CADPS2: variants seen among roughly 807,000 people sequenced by gnomAD.
CADPS2 encodes calcium dependent secretion activator 2, also known as calcium-dependent secretion activator 2.
In CADPS2, 93 loss-of-function variants were observed where a neutral mutation model predicts 172.5. The ratio of observed to expected loss-of-function variants is 0.54; its 90% CI spans 0.46 to 0.64. The LOEUF is 0.64. CADPS2 is among the 30% of genes least tolerant of loss of function. The pLI, the probability that CADPS2 is intolerant of heterozygous loss-of-function variation, is 0.00. For missense variants in CADPS2, 1,420 were observed against 1,565.9 expected, an observed-to-expected ratio of 0.91 and a Z score of 1.57; for synonymous variants, 546 against 555.2, an observed-to-expected ratio of 0.98 and a Z score of 0.23.
At position 122,886,442 on chromosome 7, in the gene CADPS2, G is replaced by A. The variant is rs1824407015; in HGVS notation, c.-105C>T. 4.3e-6 allele frequency: 6 copies of A among 1,385,768 alleles called. No individual in the cohort carries two copies. Among genetic ancestry groups the A allele is most frequent in the African/African-American group, 3.1e-5 (2 of 64,986 alleles). 85.8% of individuals were successfully genotyped at this position (1,385,768 alleles called of 1,614,324 possible). On this transcript the variant is annotated 5_prime_UTR_variant, in exon 1 of 30. Coordinates refer to ENST00000449022, the MANE Select transcript of CADPS2 (RefSeq NM_017954.11). Reference sequence around the variant, plus strand: ...AGCCGCGGGGCTGGCTGCAGCGGCCGCAGAACGAAAGGAAAACTGGCCAGG... The same window carrying A: ...AGCCGCGGGGCTGGCTGCAGCGGCCACAGAACGAAAGGAAAACTGGCCAGG...
At chr7:122,701,664 T>C (rs900464549) in intron 2 of CADPS2, 3 of 441,598 alleles carry the variant, frequency 6.8e-6, no homozygotes, top group Non-Finnish European at 1.2e-5. Context: ...GAAGTTCAAA[T>C]AGCTGGGCAT....
At chr7:122,822,781 C>T (rs796671019) in intron 1 of CADPS2, among the ~76,000 whole-genome samples, 2 of 151,828 alleles carry the variant, frequency 1.3e-5, no homozygotes, top group South Asian at 2.1e-4. Context: ...AAAAAGCACC[C>T]CCACTGAACA....
chr7:122,818,549 A>T (rs1584605415), intron 1 of CADPS2, among the ~76,000 whole-genome samples: 1 of 151,632 alleles, frequency 6.6e-6, no homozygotes, highest in East Asian at 1.9e-4. Context: ...AGTCTTTCTA[A>T]TCTTCCTTTT....
At chr7:122,786,994 G>C (rs771527501) in intron 1 of CADPS2, among the ~76,000 whole-genome samples, 128 of 152,268 alleles carry the variant, frequency 8.4e-4, no homozygotes, top group Non-Finnish European at 2.6e-4. Context: ...GCAGGTAGTA[G>C]GCCTTGCTCA....
At chr7:122,495,333 G>T (rs2058649730) in intron 9 of CADPS2, among the ~76,000 whole-genome samples, 1 of 152,088 alleles carries the variant, frequency 6.6e-6, no homozygotes. Flanking sequence ...ACACCATGAT[G>T]ACTTTTCTGT....
chr7:122,469,633 G>A (rs1586355486), intron 14 of CADPS2, among the ~76,000 whole-genome samples: 1 of 152,148 alleles, frequency 6.6e-6, no homozygotes, highest in African/African-American at 2.4e-5. Flanking sequence ...AACCTGAATA[G>A]ACTGTGAGAC....
At chr7:122,836,863 G>T (rs979273326) in intron 1 of CADPS2, among the ~76,000 whole-genome samples, 1 of 152,114 alleles carries the variant, frequency 6.6e-6, no homozygotes, top group Admixed American at 6.6e-5. Flanking sequence ...ACATTAGACA[G>T]ATCAACGAGA....
At chr7:122,676,770 G>T in intron 2 of CADPS2, 1 of 1,090,944 alleles carries the variant, frequency 9.2e-7, no homozygotes, top group Non-Finnish European at 1.4e-6. Context: ...AACTTCTCCA[G>T]ACTGTGAACC....
At chr7:122,735,510 T>G (rs1437900062) in intron 2 of CADPS2, among the ~76,000 whole-genome samples, 1 of 152,136 alleles carries the variant, frequency 6.6e-6, no homozygotes, top group Non-Finnish European at 1.5e-5. Context: ...TTTTTTTCAA[T>G]CTGTATTCTG....
In CADPS2 at chr7:122,676,791, T is replaced by G. The variant is rs964130270; in HGVS notation, c.454-13222A>C. The G allele has an allele frequency of 4.4e-6, 4 of 912,874 alleles. No homozygotes were observed. In the Admixed American group the frequency reaches 8.9e-5, roughly 20 times the overall value. The allele number at this position is 912,874 out of a possible 1,614,324, so 56.5% of individuals were successfully genotyped here. On this transcript the variant is annotated intron_variant, in intron 2 of 29. Coordinates refer to ENST00000449022, the MANE Select transcript of CADPS2 (RefSeq NM_017954.11). ...TCCAGACTGTGAACCAAACCATCATTTCCATGGGACAAGATTCCGAACTCA... is the reference window on the plus strand; with the variant it reads ...TCCAGACTGTGAACCAAACCATCATGTCCATGGGACAAGATTCCGAACTCA...
At chr7:122,731,062 G>T (rs1360981916) in intron 2 of CADPS2, among the ~76,000 whole-genome samples, 1 of 150,690 alleles carries the variant, frequency 6.6e-6, no homozygotes, top group Admixed American at 6.7e-5. Flanking sequence ...AACAGCAAAT[G>T]GTGGTGGGGG....
intron 2 of CADPS2, among the ~76,000 whole-genome samples, chr7:122,713,443 G>A (rs1285268371): frequency 6.6e-6 from 1 of 152,036 alleles, no homozygotes; most frequent in African/African-American, 2.4e-5. Flanking sequence ...ACAATGCACA[G>A]TCTTTAAAGC....
intron 2 of CADPS2, among the ~76,000 whole-genome samples, chr7:122,730,193 G>T (rs2091512156): frequency 1.3e-5 from 2 of 151,612 alleles, no homozygotes; most frequent in Admixed American, 1.3e-4. Context: ...GACATGAACA[G>T]ATAATTCACA....
intron 5 of CADPS2, among the ~76,000 whole-genome samples, chr7:122,616,770 GC>G (rs1472153093): frequency 1.3e-5 from 2 of 152,020 alleles, no homozygotes; most frequent in Admixed American, 1.3e-4. Flanking sequence ...AAGAAAATAA[GC>G]AAAGGAAGTT....
intron 3 of CADPS2, among the ~76,000 whole-genome samples, chr7:122,645,593 T>TAC (rs1491114616): frequency 1.4e-5 from 1 of 72,970 alleles, no homozygotes; most frequent in Non-Finnish European, 3.6e-5. Context: ...CTATAGAGAT[T>TAC]ATATATATAT....
chr7:122,853,127 C>T (rs978094708), intron 1 of CADPS2, among the ~76,000 whole-genome samples: 1 of 152,220 alleles, frequency 6.6e-6, no homozygotes, highest in Non-Finnish European at 1.5e-5. Flanking sequence ...ATTCTCCTCC[C>T]TCCTATTTCA....
At chr7:122,435,649 T>C (rs560915884) in intron 17 of CADPS2, among the ~76,000 whole-genome samples, 1 of 152,208 alleles carries the variant, frequency 6.6e-6, no homozygotes, top group Admixed American at 6.5e-5. Flanking sequence ...CTCCAAAGGA[T>C]TCAGCAATCT....
rs2086524730 is a variant in CADPS2, at chr7:122,703,661, G to A, written c.453+33294C>T. ...CCAAGGACAAGAGAAACACACTGTA[G>A]GGTTCTAAGCCAGGGAGGTGACAAA... On this transcript the variant is annotated intron_variant, in intron 2 of 29. Coordinates refer to ENST00000449022, the MANE Select transcript of CADPS2 (RefSeq NM_017954.11). 2.0e-5 allele frequency among the ~76,000 whole-genome samples: 3 copies of A among 152,114 alleles called. No individual in the cohort carries two copies. In the South Asian group the frequency reaches 6.2e-4, roughly 31 times the overall value.
intron 1 of CADPS2, among the ~76,000 whole-genome samples, chr7:122,855,473 A>C (rs559631966): frequency 6.6e-6 from 1 of 152,318 alleles, no homozygotes; most frequent in South Asian, 2.1e-4. Context: ...AAGCACACCC[A>C]AGAAAATTCT....
Sources: gnomAD v4.1 joint callset for allele counts (sites outside exome capture counted in the v4.1 genomes callset) on GRCh38, gnomAD v4.1.1 for gene constraint, MANE v1.5 for transcripts, NCBI Gene and HGNC (gene_info 2026-07-23, HGNC 2026-07-21) for gene names.